DST: variants seen among roughly 807,000 people sequenced by gnomAD.
DST encodes bullous pemphigoid antigen.
DST carries 253 observed loss-of-function variants against 875.2 expected under a neutral mutation model. The observed-to-expected ratio is 0.29, with a 90% CI of 0.26 to 0.32. The LOEUF is 0.32. Among genes scored for constraint, DST ranks in the 10% least tolerant of loss-of-function variants. The probability of loss-of-function intolerance (pLI) is 1.00; values close to 1 mark genes in which losing one functional copy is unlikely to be tolerated. For synonymous variants in DST, 3,124 were observed against 3,197.1 expected, an observed-to-expected ratio of 0.98 and a Z score of 0.77; for missense variants, 8,287 against 9,111.6, an observed-to-expected ratio of 0.91 and a Z score of 3.68.
At chr6:56,935,381 C>G (rs911254873) in intron 2 of DST, among the ~76,000 whole-genome samples, 2 of 152,256 alleles carry the variant, frequency 1.3e-5, no homozygotes, top group Non-Finnish European at 2.9e-5. Flanking sequence ...GTGCAGCTCA[C>G]TGCAGAGTGG....
chr6:56,497,517 T>C lies in DST; in HGVS notation c.20095-10A>G, dbSNP rs1045743826. On this transcript the variant is annotated splice_polypyrimidine_tract_variant and intron_variant, in intron 81 of 103. Transcript: ENST00000680361. ...CATGGAACCCTTTGGCCTGAAGTAA[T>C]AGGCAGTTTTAAGTTGGGGCCATAA... is the stretch of plus-strand genomic sequence containing the variant. The C allele has an allele frequency of 4.3e-6, 7 of 1,611,520 alleles. No homozygotes were observed. The African/African-American group carries it at 5.3e-5, about 12-fold the overall frequency.
chr6:56,829,356 G>T (rs2153058118), intron 4 of DST, among the ~76,000 whole-genome samples: 1 of 152,316 alleles, frequency 6.6e-6, no homozygotes, highest in African/African-American at 2.4e-5. Flanking sequence ...TTTTAAAAGT[G>T]TGAGTTTCTT....
Position 56,593,709 on chromosome 6 carries a change from C to A in DST, c.12680G>T (p.Arg4227Leu). The A allele has an allele frequency of 6.2e-7, 1 of 1,612,124 alleles. No homozygotes were observed. The highest frequency in any genetic ancestry group is 1.1e-5 in the South Asian group (1 of 90,892). Residue 4227 changes from arginine (R) to leucine (L), a missense_variant, in exon 48 of 104, where the codon CGC becomes CTC. This residue lies in a region of DST where 1,513 missense variants were observed against 1,677.8 expected (regional missense o/e 0.90). Transcript: ENST00000680361. Reference sequence around the variant, plus strand: ...CCGATCAGTAGCATGATCCAACTTGCGCTGCACTTCTCTGTGGGTTGCAGA... The same window carrying A: ...CCGATCAGTAGCATGATCCAACTTGAGCTGCACTTCTCTGTGGGTTGCAGA... Reference protein sequence around the residue: ...DTSATHREVQRKLDHATDRFR... With the variant: ...DTSATHREVQLKLDHATDRFR...
At chr6:56,471,683 A>G (rs1012503034) in intron 94 of DST, among the ~76,000 whole-genome samples, 1 of 152,206 alleles carries the variant, frequency 6.6e-6, no homozygotes, top group African/African-American at 2.4e-5. Context: ...TGCAGAATCT[A>G]AAACTTGAAA....
At chr6:56,485,965 C>A (rs555827915) in intron 87 of DST, among the ~76,000 whole-genome samples, 7 of 152,046 alleles carry the variant, frequency 4.6e-5, no homozygotes, top group Non-Finnish European at 1.0e-4. Context: ...TTCATTGATC[C>A]GTTTGTCAGG....
chr6:56,642,721 G>A lies in DST; in HGVS notation c.1779-218C>T, dbSNP rs1218426431. ...AAGATTTTCATTTGAATCAAGACTG[G>A]TTCGAGTGCTGGTAGTGTTACTAAA... is the stretch of plus-strand genomic sequence containing the variant. On this transcript the variant is annotated intron_variant, in intron 15 of 103. Transcript: ENST00000680361. 5.0e-6 allele frequency: 8 copies of A among 1,613,966 alleles called. No individual in the cohort carries two copies. Among genetic ancestry groups the A allele is most frequent in the Non-Finnish European group, 6.8e-6 (8 of 1,179,984 alleles).
chr6:56,608,199 C>A lies in DST; in HGVS notation c.6429G>T (p.Leu2143=), dbSNP rs780781323. The change falls in exon 40 of 104, where the codon CTG becomes CTT. Residue 2143 remains leucine (L), a synonymous_variant. Coordinates refer to ENST00000680361, the MANE Select transcript of DST (RefSeq NM_001374736.1). ...CTCCTAAATCTGGCATTTTATCAGG[C>A]AGTGTTATATTTTTTAAAATTGATG... ...NTASILKNIT[L]PDKMPDLGDL... 6.2e-7 allele frequency: 1 copy of A among 1,613,634 alleles called. No homozygotes were observed. Among genetic ancestry groups the A allele is most frequent in the Non-Finnish European group, 8.5e-7 (1 of 1,179,728 alleles).
chr6:56,721,088 C>T (rs1358506929), intron 5 of DST, among the ~76,000 whole-genome samples: 13 of 150,794 alleles, frequency 8.6e-5, no homozygotes, highest in Admixed American at 4.6e-4. Context: ...CCAGACGGGG[C>T]GGCTGCCGGG....
rs763656124 is a variant in DST, at chr6:56,497,924, G to T, written c.20026C>A (p.Gln6676Lys). Reference sequence around the variant, plus strand: ...TTTTCCAAAACATTTTGCCAGCGTTGATTTAAAACCTCTAGCTTGTTCTGA... The same window carrying T: ...TTTTCCAAAACATTTTGCCAGCGTTTATTTAAAACCTCTAGCTTGTTCTGA... ...NLQNKLEVLN[Q>K]RWQNVLEKTE... Residue 6676 changes from glutamine (Q) to lysine (K), a missense_variant, in exon 81 of 104, where the codon CAA becomes AAA. Around this residue, in one of 10 missense-constraint regions of DST, gnomAD observed 1,292 missense variants for 1,552.7 expected, o/e 0.83. Transcript: ENST00000680361. 5.6e-6 allele frequency: 9 copies of T among 1,613,252 alleles called. No homozygotes were observed. Among genetic ancestry groups the T allele is most frequent in the Non-Finnish European group, 7.6e-6 (9 of 1,179,522 alleles).
rs1221455220 is a variant in DST, at chr6:56,578,847, G to C, written c.12994C>G (p.Leu4332Val). 6.2e-7 allele frequency: 1 copy of C among 1,611,860 alleles called. No individual in the cohort carries two copies. The highest frequency in any genetic ancestry group is 1.1e-5 in the South Asian group (1 of 90,432). Residue 4332 changes from leucine (L) to valine (V), a missense_variant, in exon 50 of 104, where the codon CTT becomes GTT. Physicochemically the swap from Leu to Val is conservative, Grantham distance 32. Coordinates refer to ENST00000680361, the MANE Select transcript of DST (RefSeq NM_001374736.1). ...EVLLDARGSL[L>V]PAKNDIQKTL... is the part of the protein sequence containing the mutation. ...TTCTGGATATCATTCTTGGCTGGAA[G>C]TAAAGATCCCCTGGCATCTAAAAGC...
intron 5 of DST, among the ~76,000 whole-genome samples, chr6:56,734,846 A>G (rs1285303469): frequency 6.6e-6 from 1 of 152,186 alleles, no homozygotes; most frequent in Non-Finnish European, 1.5e-5. Flanking sequence ...TGCCATCCAC[A>G]TAAACCTGAG....
At chr6:56,560,962 T>C (rs2097528644) in intron 57 of DST, among the ~76,000 whole-genome samples, 1 of 152,220 alleles carries the variant, frequency 6.6e-6, no homozygotes, top group South Asian at 2.1e-4. Context: ...AGCTACCCTA[T>C]TTTTATACTA....
Position 56,529,463 on chromosome 6 carries a change from C to A in DST, c.17580G>T (p.Gln5860His). ...ATCAAAATACCCGAAGTTCAGACTG[C>A]TGCTTCCATAGCCCCTCAGTGCTGT... ...QDYSTEGLWK[Q>H]QSELRVLQED... The change falls in exon 66 of 104, where the codon CAG (glutamine) becomes CAT (histidine). Residue 5860 changes from glutamine to histidine, a missense_variant. Gln to His is a conservative substitution (Grantham distance 24). Transcript: ENST00000680361. The A allele has an allele frequency of 6.7e-7, 1 of 1,495,658 alleles. No homozygotes were observed. Among genetic ancestry groups the A allele is most frequent in the Non-Finnish European group, 8.9e-7 (1 of 1,121,876 alleles). 92.6% of individuals were successfully genotyped at this position (1,495,658 alleles called of 1,614,324 possible). A position where few individuals can be genotyped will look rare whatever the true frequency, so the allele number is the denominator to read the frequency against.
chr6:56,908,086 C>T (rs557136689), intron 2 of DST, among the ~76,000 whole-genome samples: 8 of 147,738 alleles, frequency 5.4e-5, no homozygotes, highest in South Asian at 2.1e-4. Context: ...AAAGAAAATA[C>T]ATATATATAT....
intron 4 of DST, among the ~76,000 whole-genome samples, chr6:56,783,778 T>C (rs2099699313): frequency 6.6e-6 from 1 of 152,244 alleles, no homozygotes; most frequent in Non-Finnish European, 1.5e-5. Flanking sequence ...TGATGTTAGC[T>C]GGTTATTTTG....
chr6:56,615,771 T>C, intron 36 of DST: 1 of 1,614,208 alleles, frequency 6.2e-7, no homozygotes, highest in Non-Finnish European at 8.5e-7. Flanking sequence ...TGTGGCTCTA[T>C]CAACCCTCCT....
chr6:56,635,464 C>T, intron 24 of DST, 125 bp downstream of exon 24: 3 of 974,934 alleles, frequency 3.1e-6, no homozygotes, highest in South Asian at 1.5e-5. Context: ...ACTGAATGTG[C>T]AAATGTGTAA....
intron 3 of DST, among the ~76,000 whole-genome samples, chr6:56,857,955 G>A (rs1397899983): frequency 6.6e-6 from 1 of 152,196 alleles, no homozygotes; most frequent in African/African-American, 2.4e-5. Context: ...TGGTAAATTT[G>A]GGGCACCTTG....
chr6:56,745,241 A>G (rs1227108073), intron 4 of DST, among the ~76,000 whole-genome samples: 1 of 152,216 alleles, frequency 6.6e-6, no homozygotes, highest in African/African-American at 2.4e-5. Context: ...CTTAGTCACT[A>G]CTGCAAAGTC....
Sources: gnomAD v4.1 joint callset for allele counts (sites outside exome capture counted in the v4.1 genomes callset) on GRCh38, gnomAD v4.1.1 for gene constraint, gnomAD v4.1.1 regional missense constraint, MANE v1.5 for transcripts, NCBI Gene and HGNC (gene_info 2026-07-23, HGNC 2026-07-21) for gene names.